The following ATXN10 variants were observed in gnomAD, a reference collection of about 807,000 sequenced individuals.
ATXN10 encodes ataxin-10.
ATXN10 carries 28 observed loss-of-function variants against 52.9 expected under a neutral mutation model. The observed-to-expected ratio is 0.53, with a 90% CI of 0.39 to 0.73. ATXN10 has a LOEUF of 0.73. Among genes scored for constraint, ATXN10 ranks in the 30% least tolerant of loss-of-function variants. The pLI is 0.00. For synonymous variants in ATXN10, 226 were observed against 221.5 expected (o/e 1.02, Z -0.18); for missense variants, 565 against 577.0 (o/e 0.98, Z 0.21).
intron 5 of ATXN10, among the ~76,000 whole-genome samples, chr22:45,704,276 C>G (rs1923952471): frequency 6.6e-6 from 1 of 150,684 alleles, no homozygotes; most frequent in African/African-American, 2.4e-5. Context: ...CCTTCTGTTT[C>G]CATATTAATT....
At position 45,775,181 on chromosome 22, in the gene ATXN10, AG is replaced by A. The variant is rs1926907317; in HGVS notation, c.1174-31774del. Among the ~76,000 whole-genome samples, 1 of 152,062 alleles carries A rather than the reference AG, an allele frequency of 6.6e-6. No individual in the cohort carries two copies. The highest frequency in any genetic ancestry group is 1.5e-5 in the Non-Finnish European group (1 of 68,004). Reference sequence around the variant, plus strand: ...CAGTCCTTACCACTCCTAGAGAAGGAGGGGATGGCAGTGGGCAGGGGACAGA... The same window carrying A: ...CAGTCCTTACCACTCCTAGAGAAGGAGGGATGGCAGTGGGCAGGGGACAGA... On this transcript the variant is annotated intron_variant, in intron 9 of 11. Transcript: ENST00000252934. The surrounding 1 kb of genome is among the most constrained non-coding windows in gnomAD (Gnocchi z 4.7).
chr22:45,843,980 A>G lies in ATXN10; in HGVS notation c.*309A>G, dbSNP rs1929431787. 2 of 378,714 alleles carry G rather than the reference A, an allele frequency of 5.3e-6. No homozygotes were observed. Among genetic ancestry groups the G allele is most frequent in the Non-Finnish European group, 9.6e-6 (2 of 208,820 alleles). 23.5% of individuals were successfully genotyped at this position (378,714 alleles called of 1,614,324 possible). A position where few individuals can be genotyped will look rare whatever the true frequency, so the allele number is the denominator to read the frequency against. On this transcript the variant is annotated 3_prime_UTR_variant, in exon 12 of 12. Coordinates refer to ENST00000252934, the MANE Select transcript of ATXN10 (RefSeq NM_013236.4). This position sits in a 1 kb window ranked among gnomAD's most constrained non-coding sequence, Gnocchi z 4.5. Reference sequence around the variant, plus strand: ...CAGTCTCTTGGAGGGCACAACCCTTATTTGACAAAACTTGGATGTTGGCTT... The same window carrying G: ...CAGTCTCTTGGAGGGCACAACCCTTGTTTGACAAAACTTGGATGTTGGCTT...
At chr22:45,741,366 C>G (rs1925527421) in intron 9 of ATXN10, among the ~76,000 whole-genome samples, 1 of 152,240 alleles carries the variant, frequency 6.6e-6, no homozygotes, top group African/African-American at 2.4e-5. Flanking sequence ...GTAGCATAGC[C>G]CTTAACTGGT....
intron 5 of ATXN10, among the ~76,000 whole-genome samples, chr22:45,709,225 A>T (rs1431541497): frequency 4.6e-5 from 7 of 152,208 alleles, no homozygotes; most frequent in Non-Finnish European, 7.3e-5. Context: ...CACTTAGCGC[A>T]TTTAATTGTC....
At chr22:45,725,380 AAATAT>A (rs1201455209) in intron 6 of ATXN10, among the ~76,000 whole-genome samples, 1 of 150,320 alleles carries the variant, frequency 6.7e-6, no homozygotes, top group African/African-American at 2.4e-5. Flanking sequence ...CTTCTTGGTT[AAATAT>A]ATTTCCAGGC....
At chr22:45,703,398 C>T (rs865868124) in intron 5 of ATXN10, among the ~76,000 whole-genome samples, 9 of 152,124 alleles carry the variant, frequency 5.9e-5, no homozygotes, top group African/African-American at 2.2e-4. Flanking sequence ...TTTGGGGTTT[C>T]CTCAACTTCT....
chr22:45,689,469 G>C, intron 1 of ATXN10: 1 of 546,776 alleles, frequency 1.8e-6, no homozygotes, highest in Admixed American at 3.1e-5. Flanking sequence ...AGAGGACAGT[G>C]TTGGCCTCAT....
rs533276612 is a variant in ATXN10 at position 45,840,067 on chromosome 22, A to C, written c.1238-2924A>C. ...AGTGCATTAGAGTATACAGAAATAC[A>C]AACAAACAGTCATAGCTTACATAAT... On this transcript the variant is annotated intron_variant, in intron 10 of 11. Coordinates refer to ENST00000252934, the MANE Select transcript of ATXN10 (RefSeq NM_013236.4). The surrounding 1 kb of genome is among the most constrained non-coding windows in gnomAD (Gnocchi z 5.8). Among the ~76,000 whole-genome samples, 2 of 152,338 alleles carry C rather than the reference A, an allele frequency of 1.3e-5. No individual in the cohort carries two copies. The highest frequency in any genetic ancestry group is 4.2e-4 in the South Asian group (2 of 4,818).
intron 10 of ATXN10, among the ~76,000 whole-genome samples, chr22:45,831,940 C>A (rs529780006): frequency 6.6e-6 from 1 of 152,216 alleles, no homozygotes; most frequent in African/African-American, 2.4e-5. Context: ...ATGGCAAACA[C>A]CCCCTTCCGT....
At chr22:45,682,108 C>CA (rs1922946639) in intron 1 of ATXN10, among the ~76,000 whole-genome samples, 1 of 152,208 alleles carries the variant, frequency 6.6e-6, no homozygotes, top group Non-Finnish European at 1.5e-5. Flanking sequence ...GGATTGCACT[C>CA]ATCAGTTTAT....
rs1927327334 is a variant in ATXN10, at chr22:45,786,484, T to G, written c.1174-20475T>G. 6.6e-6 allele frequency among the ~76,000 whole-genome samples: 1 copy of G among 152,234 alleles called. No individual in the cohort carries two copies. Among genetic ancestry groups the G allele is most frequent in the African/African-American group, 2.4e-5 (1 of 41,456 alleles). On this transcript the variant is annotated intron_variant, in intron 9 of 11. Coordinates refer to ENST00000252934, the MANE Select transcript of ATXN10 (RefSeq NM_013236.4). The surrounding 1 kb of genome is among the most constrained non-coding windows in gnomAD (Gnocchi z 4.1). ...GTGGTGCAGTCCTTGTGTGCGAAGC[T>G]GGGCGCCAGTGCAGCCCGCACTTTA...
intron 10 of ATXN10, among the ~76,000 whole-genome samples, chr22:45,809,895 T>A (rs1928225465): frequency 6.6e-6 from 1 of 152,234 alleles, no homozygotes; most frequent in Non-Finnish European, 1.5e-5. Flanking sequence ...CTTTATAGTT[T>A]CTTTTGAATA....
chr22:45,698,316 A>T (rs1247258875), intron 3 of ATXN10, among the ~76,000 whole-genome samples: 1 of 152,134 alleles, frequency 6.6e-6, no homozygotes, highest in Non-Finnish European at 1.5e-5. Context: ...TCTGTGTTGT[A>T]GTCATCCTGG....
intron 9 of ATXN10, among the ~76,000 whole-genome samples, chr22:45,777,604 C>T (rs1290800242): frequency 6.6e-6 from 1 of 152,178 alleles, no homozygotes; most frequent in Non-Finnish European, 1.5e-5. Flanking sequence ...CAGAAATGGC[C>T]AATCCTGTGC....
At chr22:45,739,441 T>G (rs924105765) in intron 8 of ATXN10, among the ~76,000 whole-genome samples, 1 of 152,230 alleles carries the variant, frequency 6.6e-6, no homozygotes, top group African/African-American at 2.4e-5. Flanking sequence ...TGATACTTAC[T>G]CTGGAGACCA....
chr22:45,804,224 A>G (rs190001659), intron 9 of ATXN10, among the ~76,000 whole-genome samples: 17 of 152,298 alleles, frequency 1.1e-4, no homozygotes, highest in Non-Finnish European at 1.9e-4. Context: ...TAGGTCAGTG[A>G]CCACAGGAAG....
intron 10 of ATXN10, among the ~76,000 whole-genome samples, chr22:45,829,854 A>G (rs760112206): frequency 1.3e-5 from 2 of 152,220 alleles, no homozygotes; most frequent in Non-Finnish European, 2.9e-5. Context: ...AATTTTTTGC[A>G]GATATAGAAA....
At position 45,677,527 on chromosome 22, in the gene ATXN10, A is replaced by G. The variant is rs1196813384; in HGVS notation, c.116+5348A>G. 1 of 151,852 alleles carries G rather than the reference A, an allele frequency of 6.6e-6. No individual in the cohort carries two copies. The highest frequency in any genetic ancestry group is 1.5e-5 in the Non-Finnish European group (1 of 67,974). The allele number at this position is 151,852 out of a possible 1,614,324, so 9.4% of individuals were successfully genotyped here. A position where few individuals can be genotyped will look rare whatever the true frequency, so the allele number is the denominator to read the frequency against. On this transcript the variant is annotated intron_variant, in intron 1 of 11. Transcript: ENST00000252934. This position sits in a 1 kb window ranked among gnomAD's most constrained non-coding sequence, Gnocchi z 4.1. ...GGCCAAAAGGTCTTAAAAAAAAAAAAAAGAAAAGGCAAGTCCTGGACTTAG... is the reference window on the plus strand; with the variant it reads ...GGCCAAAAGGTCTTAAAAAAAAAAAGAAGAAAAGGCAAGTCCTGGACTTAG...
intron 1 of ATXN10, among the ~76,000 whole-genome samples, chr22:45,687,857 G>A (rs976141482): frequency 7.2e-5 from 11 of 152,080 alleles, no homozygotes; most frequent in African/African-American, 2.4e-4. Flanking sequence ...TCGGGAGTTC[G>A]AGACCAGCCT....
Sources: allele counts gnomAD v4.1 joint callset (sites outside exome capture counted in the v4.1 genomes callset), GRCh38; gene constraint gnomAD v4.1.1; non-coding constraint Gnocchi (gnomAD v3.1); transcripts MANE v1.5; gene names NCBI Gene and HGNC (gene_info 2026-07-23, HGNC 2026-07-21).